Variants in ATF6 observed in about 807,000 individuals in gnomAD.
ATF6 encodes the protein cyclic AMP-dependent transcription factor ATF-6 alpha.
A neutral mutation model predicts 83.6 loss-of-function variants in ATF6; 53 were observed. The observed-to-expected ratio is 0.63, with a 90% CI of 0.51 to 0.80. The LOEUF (loss-of-function observed/expected upper bound fraction) is 0.80. Among genes scored for constraint, ATF6 ranks in the 30% least tolerant of loss-of-function variants. ATF6 has a pLI of 0.00. For missense variants in ATF6, 744 were observed against 797.9 expected (o/e 0.93, Z 0.81); for synonymous variants, 288 against 285.8 (o/e 1.01, Z -0.08).
chr1:161,788,010 C>T (rs1465031754), intron 4 of ATF6, among the ~76,000 whole-genome samples: 3 of 152,138 alleles, frequency 2.0e-5, no homozygotes, highest in Non-Finnish European at 4.4e-5. Context: ...ACATTTTTAC[C>T]TACACCATAA....
At chr1:161,869,737 G>C (rs1687082325) in intron 14 of ATF6, among the ~76,000 whole-genome samples, 1 of 151,764 alleles carries the variant, frequency 6.6e-6, no homozygotes. Flanking sequence ...ACTTAACCTA[G>C]ATTTATTTAA....
At chr1:161,772,119 G>T (rs1424773639) in intron 1 of ATF6, among the ~76,000 whole-genome samples, 3 of 152,104 alleles carry the variant, frequency 2.0e-5, no homozygotes, top group Non-Finnish European at 4.4e-5. Context: ...CATGTTTCCA[G>T]TGTCTCTCAT....
intron 14 of ATF6, among the ~76,000 whole-genome samples, chr1:161,866,140 G>A (rs1485829036): frequency 6.6e-6 from 1 of 152,158 alleles, no homozygotes; most frequent in Non-Finnish European, 1.5e-5. Context: ...AGATTCCAGA[G>A]CCCCAGGTTT....
intron 3 of ATF6, among the ~76,000 whole-genome samples, chr1:161,782,231 C>T (rs983598152): frequency 1.3e-5 from 2 of 152,132 alleles, no homozygotes; most frequent in South Asian, 2.1e-4. Context: ...CAGTTCATAT[C>T]AGAAATAGAA....
At chr1:161,900,524 A>G (rs763504467) in intron 14 of ATF6, among the ~76,000 whole-genome samples, 10 of 152,194 alleles carry the variant, frequency 6.6e-5, no homozygotes, top group Admixed American at 1.3e-4. Flanking sequence ...ACATCATTAT[A>G]TTACTAGAAG....
chr1:161,789,657 C>T (rs748103264), intron 4 of ATF6, among the ~76,000 whole-genome samples: 8 of 151,994 alleles, frequency 5.3e-5, no homozygotes, highest in Non-Finnish European at 1.2e-4. Context: ...TTTATCCTGA[C>T]TTTAATTGTA....
At chr1:161,909,444 C>T (rs1467720489) in intron 14 of ATF6, among the ~76,000 whole-genome samples, 1 of 151,986 alleles carries the variant, frequency 6.6e-6, no homozygotes, top group Non-Finnish European at 1.5e-5. Flanking sequence ...TTCTGGGTGG[C>T]CTTGTGCCCA....
At chr1:161,871,287 G>A (rs1322022482) in intron 14 of ATF6, among the ~76,000 whole-genome samples, 1 of 151,554 alleles carries the variant, frequency 6.6e-6, no homozygotes, top group Non-Finnish European at 1.5e-5. Flanking sequence ...ACTTTTTGCT[G>A]TGGAATAGAA....
intron 4 of ATF6, among the ~76,000 whole-genome samples, chr1:161,787,893 T>C (rs1684780306): frequency 6.6e-6 from 1 of 152,230 alleles, no homozygotes; most frequent in Non-Finnish European, 1.5e-5. Flanking sequence ...CTTTATATTA[T>C]TTACTTTTAA....
chr1:161,787,749 G>GAT (rs1241769151), intron 4 of ATF6, among the ~76,000 whole-genome samples: 8 of 152,000 alleles, frequency 5.3e-5, no homozygotes, highest in African/African-American at 1.9e-4. Flanking sequence ...TATTATATGA[G>GAT]ATACAAATCC....
chr1:161,818,140 C>G (rs1003533377), intron 7 of ATF6, among the ~76,000 whole-genome samples: 1 of 149,578 alleles, frequency 6.7e-6, no homozygotes, highest in African/African-American at 2.5e-5. Flanking sequence ...CATTCTTTAA[C>G]TTTATTTACT....
At chr1:161,926,177 C>G (rs1442800965) in intron 15 of ATF6, among the ~76,000 whole-genome samples, 1 of 152,150 alleles carries the variant, frequency 6.6e-6, no homozygotes, top group Non-Finnish European at 1.5e-5. Context: ...ATAGGGACAA[C>G]AGTTAGAAAG....
intron 9 of ATF6, among the ~76,000 whole-genome samples, chr1:161,842,745 A>G (rs1363883369): frequency 6.6e-6 from 1 of 152,188 alleles, no homozygotes; most frequent in Non-Finnish European, 1.5e-5. Context: ...CCAAAAACCT[A>G]TGGAAATAAA....
intron 14 of ATF6, among the ~76,000 whole-genome samples, chr1:161,885,778 CAAAT>C: frequency 6.6e-6 from 1 of 152,136 alleles, no homozygotes; most frequent in South Asian, 2.1e-4. Context: ...GGTATAAAGA[CAAAT>C]AAGCTAAAAT....
chr1:161,869,577 G>A (rs1687079355), intron 14 of ATF6, among the ~76,000 whole-genome samples: 2 of 151,590 alleles, frequency 1.3e-5, no homozygotes. Context: ...TTTAGAAAAG[G>A]GTCTTATCTC....
chr1:161,797,866 G>C (rs12140466), intron 6 of ATF6, among the ~76,000 whole-genome samples: 74,297 of 152,078 alleles, frequency 0.49, 22,169 homozygotes, highest in Non-Finnish European at 0.66. Context: ...AGCCAAAGCA[G>C]CCCTAAGCAA....
At chr1:161,844,965 A>G (rs6682575) in intron 9 of ATF6, among the ~76,000 whole-genome samples, 21,590 of 152,170 alleles carry the variant, frequency 0.14, 2,097 homozygotes, top group East Asian at 0.31. Flanking sequence ...TGATACAGCT[A>G]TGACAAAATA....
At chr1:161,901,466 T>G (rs1687785341) in intron 14 of ATF6, among the ~76,000 whole-genome samples, 1 of 150,672 alleles carries the variant, frequency 6.6e-6, no homozygotes, top group African/African-American at 2.4e-5. Flanking sequence ...ATAACATTTT[T>G]AATGGAAAAT....
intron 9 of ATF6, among the ~76,000 whole-genome samples, chr1:161,826,610 A>C (rs1220832908): frequency 6.6e-6 from 1 of 152,214 alleles, no homozygotes; most frequent in African/African-American, 2.4e-5. Flanking sequence ...GGAACTATTC[A>C]AGTTAAAAAA....
Sources: allele counts gnomAD v4.1 joint callset (sites outside exome capture counted in the v4.1 genomes callset), GRCh38; gene constraint gnomAD v4.1.1; transcripts MANE v1.5; gene names NCBI Gene and HGNC (gene_info 2026-07-23, HGNC 2026-07-21).